UAP1L1: variants seen among roughly 807,000 people sequenced by gnomAD.
UAP1L1 encodes UDP-N-acetylhexosamine pyrophosphorylase-like protein 1.
Under a neutral mutation model 45.3 loss-of-function variants are expected in UAP1L1, and 45 were observed. The ratio of observed to expected loss-of-function variants is 0.99; its 90% CI spans 0.78 to 1.27. The LOEUF is 1.27. Ranked by LOEUF, UAP1L1 falls within the 50% of genes most tolerant of loss-of-function variation. The pLI is 0.00. For synonymous variants in UAP1L1, 323 were observed against 303.9 expected, an observed-to-expected ratio of 1.06 and a Z score of -0.65; for missense variants, 667 against 694.0, an observed-to-expected ratio of 0.96 and a Z score of 0.44.
At chr9:137,079,715 C>T (rs1832761977) in intron 5 of UAP1L1, 8 of 583,396 alleles carry the variant, frequency 1.4e-5, no homozygotes, top group Non-Finnish European at 6.0e-6. Context: ...CTTCTGGGGA[C>T]CTGCCCTGGT....
rs184214953 is a variant in UAP1L1, at chr9:137,078,032, C to T, written c.290-18C>T. On this transcript the variant is annotated intron_variant, in intron 1 of 8. Coordinates refer to ENST00000409858, the MANE Select transcript of UAP1L1 (RefSeq NM_207309.3). ...TGGGCGGGTCCCGGGCGTCCCTTCACGGCGCCCGTACCCCCAGGTTTCCGT... is the reference window on the plus strand; with the variant it reads ...TGGGCGGGTCCCGGGCGTCCCTTCATGGCGCCCGTACCCCCAGGTTTCCGT... 56 of 1,546,214 alleles carry T rather than the reference C, an allele frequency of 3.6e-5. No individual in the cohort carries two copies. The African/African-American group carries it at 6.2e-4, about 17-fold the overall frequency.
At position 137,083,555 on chromosome 9, in the gene UAP1L1, C is replaced by G. The variant is rs1292996489; in HGVS notation, c.*826C>G. 1 of 152,332 alleles carries G rather than the reference C, an allele frequency of 6.6e-6. No individual in the cohort carries two copies. Among genetic ancestry groups the G allele is most frequent in the East Asian group, 1.9e-4 (1 of 5,204 alleles). The allele number at this position is 152,332 out of a possible 1,614,324, so 9.4% of individuals were successfully genotyped here. On this transcript the variant is annotated 3_prime_UTR_variant, in exon 9 of 9. Coordinates refer to ENST00000409858, the MANE Select transcript of UAP1L1 (RefSeq NM_207309.3). Reference sequence around the variant, plus strand: ...CGGCGGCCTCTGTGATGGTTGCTGACTAATCCGGGATTTCATGAGTCAGAG... The same window carrying G: ...CGGCGGCCTCTGTGATGGTTGCTGAGTAATCCGGGATTTCATGAGTCAGAG...
intron 7 of UAP1L1, among the ~76,000 whole-genome samples, chr9:137,081,182 TTTTA>T (rs1181082970): frequency 6.6e-6 from 1 of 152,166 alleles, no homozygotes; most frequent in African/African-American, 2.4e-5. Context: ...TAGATTTGGC[TTTTA>T]TTTATTTATT....
chr9:137,079,450 G>C lies in UAP1L1; in HGVS notation c.1037+1G>C, dbSNP rs1832757236. On this transcript the variant is annotated splice_donor_variant, in intron 5 of 8. Transcript: ENST00000409858. LOFTEE classifies it high-confidence loss of function. ...GAGGCTTCCTTAAGGCGGTCACCAGGTGTGCGGCAGCAGGTGGCTGCGGAT... is the reference window on the plus strand; with the variant it reads ...GAGGCTTCCTTAAGGCGGTCACCAGCTGTGCGGCAGCAGGTGGCTGCGGAT... 2 of 1,579,820 alleles carry C rather than the reference G, an allele frequency of 1.3e-6. No homozygotes were observed. Among genetic ancestry groups the C allele is most frequent in the Non-Finnish European group, 1.7e-6 (2 of 1,157,184 alleles).
In UAP1L1 at chr9:137,077,913, C is replaced by T. The variant is rs1367613400; in HGVS notation, c.289+92C>T. ...GCCGCGCTCGGGGAACTGTAGTTCT[C>T]CTCGCTACTTTGAGACGTGTCTCGC... On this transcript the variant is annotated intron_variant, in intron 1 of 8. Transcript: ENST00000409858. This position sits in a 1 kb window ranked among gnomAD's most constrained non-coding sequence, Gnocchi z 4.7. 4 of 1,495,294 alleles carry T rather than the reference C, an allele frequency of 2.7e-6. No homozygotes were observed. Among genetic ancestry groups the T allele is most frequent in the Non-Finnish European group, 3.5e-6 (4 of 1,127,686 alleles). The allele number at this position is 1,495,294 out of a possible 1,614,324, so 92.6% of individuals were successfully genotyped here.
rs898456510 is a variant in UAP1L1 at position 137,082,911 on chromosome 9, T to C, written c.*182T>C. The C allele has an allele frequency of 1.5e-5, 9 of 593,162 alleles. No homozygotes were observed. The highest frequency in any genetic ancestry group is 8.4e-5 in the East Asian group (3 of 35,618). 36.7% of individuals were successfully genotyped at this position (593,162 alleles called of 1,614,324 possible). ...AGCCTGCAGAACACAGAATGAAACATGCTGGTAGACTCCACGAGGGCAGGG... is the reference window on the plus strand; with the variant it reads ...AGCCTGCAGAACACAGAATGAAACACGCTGGTAGACTCCACGAGGGCAGGG... On this transcript the variant is annotated 3_prime_UTR_variant, in exon 9 of 9. Coordinates refer to ENST00000409858, the MANE Select transcript of UAP1L1 (RefSeq NM_207309.3). The surrounding 1 kb of genome is among the most constrained non-coding windows in gnomAD (Gnocchi z 5.7).
At chr9:137,079,694 G>A in intron 5 of UAP1L1, 1 of 586,364 alleles carries the variant, frequency 1.7e-6, no homozygotes. Flanking sequence ...GATCAAGTCT[G>A]CCATCTCCTC....
At position 137,078,624 on chromosome 9, in the gene UAP1L1, C is replaced by T. The variant is rs1157392379; in HGVS notation, c.617C>T (p.Thr206Ile). 1.9e-6 allele frequency: 3 copies of T among 1,613,088 alleles called. No homozygotes were observed. Among genetic ancestry groups the T allele is most frequent in the Admixed American group, 3.3e-5 (2 of 60,022 alleles). The change falls in exon 3 of 9, where the codon ACC becomes ATC. Residue 206 changes from threonine to isoleucine, a missense_variant. Thr to Ile is a moderately conservative substitution (Grantham distance 89). Coordinates refer to ENST00000409858, the MANE Select transcript of UAP1L1 (RefSeq NM_207309.3). Reference protein sequence around the residue: ...MFEQRLLPAVTFDGKVILERK... With the variant: ...MFEQRLLPAVIFDGKVILERK... ...GAGCAGCGCCTGCTGCCTGCTGTGA[C>T]CTTTGATGGCAAGGTTATCCTGGAG... is the stretch of plus-strand genomic sequence containing the variant.
chr9:137,080,988 TC>T, intron 7 of UAP1L1, 114 bp downstream of exon 7: 1 of 1,097,928 alleles, frequency 9.1e-7, no homozygotes, highest in African/African-American at 1.6e-5. Context: ...GGGTCTTCCT[TC>T]CCGGCACCAC....
chr9:137,078,952 G>A (rs768392996), intron 3 of UAP1L1, 24 bp from the exon 4 acceptor site: 32 of 1,570,884 alleles, frequency 2.0e-5, no homozygotes, highest in African/African-American at 2.8e-5. Flanking sequence ...CCCTCGCGAT[G>A]CCCATTCCCT....
At chr9:137,080,656 T>C (rs9314874) in intron 6 of UAP1L1, 33 bp from the exon 7 acceptor site, 1,580,820 of 1,581,488 alleles carry the variant, frequency 1, 790,079 homozygotes, top group Non-Finnish European at 1. Flanking sequence ...GCCTCTGTGC[T>C]GGGACGTGGG....
chr9:137,078,452 C>T (rs1588570839), intron 2 of UAP1L1, 50 bp from the exon 3 acceptor site: 4 of 1,611,006 alleles, frequency 2.5e-6, no homozygotes, highest in Non-Finnish European at 3.4e-6. Flanking sequence ...GCCCCGTCTG[C>T]CTGCAGGGCC....
Position 137,078,228 on chromosome 9 carries a change from C to T in UAP1L1, c.468C>T (p.Arg156=). ...IRRVEQLAGE[R]HGTRCTVPWY... is the part of the protein sequence containing the mutation. ...GGGTGGAGCAGCTGGCCGGTGAGCG[C>T]CACGGGACCCGCTGCACCGTCCCCT... Residue 156 remains arginine (R), a synonymous_variant, in exon 2 of 9, where the codon CGC becomes CGT. Coordinates refer to ENST00000409858, the MANE Select transcript of UAP1L1 (RefSeq NM_207309.3). 1 of 1,546,586 alleles carries T rather than the reference C, an allele frequency of 6.5e-7. No homozygotes were observed. The highest frequency in any genetic ancestry group is 8.7e-7 in the Non-Finnish European group (1 of 1,146,124).
intron 7 of UAP1L1, 57 bp from the exon 8 acceptor site, chr9:137,081,941 G>A (rs148400453): frequency 6.4e-7 from 1 of 1,564,290 alleles, no homozygotes; most frequent in African/African-American, 1.4e-5. Flanking sequence ...TGGGGGTGCT[G>A]GGGGAGGGCT....
At chr9:137,079,640 C>A in intron 5 of UAP1L1, 191 bp downstream of exon 5, 1 of 611,400 alleles carries the variant, frequency 1.6e-6, no homozygotes, top group Non-Finnish European at 2.8e-6. Flanking sequence ...TGCTGGAGAT[C>A]AGGCACAAGC....
chr9:137,079,160 A>C lies in UAP1L1; in HGVS notation c.843+12A>C. The C allele has an allele frequency of 6.2e-7, 1 of 1,605,792 alleles. No individual in the cohort carries two copies. Among genetic ancestry groups the C allele is most frequent in the Non-Finnish European group, 8.5e-7 (1 of 1,177,638 alleles). Reference sequence around the variant, plus strand: ...ACTGTGGCGCCAAGGTTAGCGCCCGACTGCGCGGCGCCCCGCACCCGAGGC... The same window carrying C: ...ACTGTGGCGCCAAGGTTAGCGCCCGCCTGCGCGGCGCCCCGCACCCGAGGC... On this transcript the variant is annotated intron_variant, in intron 4 of 8. Coordinates refer to ENST00000409858, the MANE Select transcript of UAP1L1 (RefSeq NM_207309.3).
chr9:137,080,836 C>T lies in UAP1L1; in HGVS notation c.1326C>T (p.Phe442=), dbSNP rs745762155. 3 of 1,607,186 alleles carry T rather than the reference C, an allele frequency of 1.9e-6. No homozygotes were observed. Among genetic ancestry groups the T allele is most frequent in the Non-Finnish European group, 1.7e-6 (2 of 1,179,004 alleles). Residue 442 remains phenylalanine, a synonymous_variant, in exon 7 of 9, where the codon TTC becomes TTT. Transcript: ENST00000409858. ...GGGCTCTGCGGGCCGGGGCCCGCTT[C>T]CTGGATGCCCATGGGGCCTGGCTCC... is the stretch of plus-strand genomic sequence containing the variant. ...YRWALRAGAR[F]LDAHGAWLPE...
At chr9:137,081,683 T>C (rs575155729) in intron 7 of UAP1L1, among the ~76,000 whole-genome samples, 18 of 152,284 alleles carry the variant, frequency 1.2e-4, no homozygotes, top group Non-Finnish European at 2.2e-4. Flanking sequence ...GCAGGACAGT[T>C]TGATTTCAGG....
chr9:137,081,463 G>A (rs1364682552), intron 7 of UAP1L1, among the ~76,000 whole-genome samples: 2 of 151,610 alleles, frequency 1.3e-5, no homozygotes, highest in Admixed American at 6.6e-5. Context: ...TGCCCGCCTC[G>A]GCCTCGCAAA....
Sources: allele counts gnomAD v4.1 joint callset (sites outside exome capture counted in the v4.1 genomes callset), GRCh38; gene constraint gnomAD v4.1.1; non-coding constraint Gnocchi (gnomAD v3.1); transcripts MANE v1.5; gene names NCBI Gene and HGNC (gene_info 2026-07-23, HGNC 2026-07-21).